The following RAD51B variants were observed in gnomAD, a reference collection of about 807,000 sequenced individuals.
RAD51B encodes RAD51 paralog B, also known as DNA repair protein RAD51 homolog 2.
In RAD51B, 38 loss-of-function variants were observed where a neutral mutation model predicts 42.2. The observed-to-expected ratio is 0.90, with a 90% CI of 0.70 to 1.18. The LOEUF (loss-of-function observed/expected upper bound fraction) is 1.18, where lower values mean the gene tolerates loss of function less well. Ranked by LOEUF, RAD51B falls within the 50% of genes most tolerant of loss-of-function variation. RAD51B has a pLI of 0.00. For missense variants in RAD51B, 373 were observed against 400.7 expected, an observed-to-expected ratio of 0.93 and a Z score of 0.59; for synonymous variants, 154 against 145.2, an observed-to-expected ratio of 1.06 and a Z score of -0.43.
At chr14:67,933,484 G>T (rs1368744451) in intron 7 of RAD51B, among the ~76,000 whole-genome samples, 1 of 152,160 alleles carries the variant, frequency 6.6e-6, no homozygotes, top group Non-Finnish European at 1.5e-5. Flanking sequence ...ATGCCCTTGT[G>T]GGTCTCCAGA....
intron 7 of RAD51B, among the ~76,000 whole-genome samples, chr14:68,059,006 TA>T (rs1325186177): frequency 2.0e-5 from 3 of 152,188 alleles, no homozygotes; most frequent in Non-Finnish European, 4.4e-5. Flanking sequence ...AAACTATTGA[TA>T]ACCCCTCTAA....
At chr14:67,880,321 C>A (rs1595053354) in intron 5 of RAD51B, among the ~76,000 whole-genome samples, 3 of 152,182 alleles carry the variant, frequency 2.0e-5, no homozygotes, top group Admixed American at 1.3e-4. Context: ...ATACTTAAGT[C>A]AGAAAAACCA....
At chr14:68,162,113 T>C (rs184873158) in intron 7 of RAD51B, among the ~76,000 whole-genome samples, 108 of 152,302 alleles carry the variant, frequency 7.1e-4, no homozygotes, top group Non-Finnish European at 1.2e-3. Context: ...ACATCAGTTT[T>C]GAGAGAAATA....
intron 10 of RAD51B, among the ~76,000 whole-genome samples, chr14:68,618,650 C>T (rs1452527459): frequency 6.6e-6 from 1 of 152,160 alleles, no homozygotes; most frequent in African/African-American, 2.4e-5. Context: ...GTTGATGCTG[C>T]CTCTAAATGT....
intron 8 of RAD51B, among the ~76,000 whole-genome samples, chr14:68,400,879 T>C (rs919491348): frequency 6.6e-6 from 1 of 152,210 alleles, no homozygotes; most frequent in Admixed American, 6.5e-5. Context: ...GAGATTTCAC[T>C]ACAAGTCACC....
At chr14:67,830,199 A>C (rs963083606) in intron 3 of RAD51B, among the ~76,000 whole-genome samples, 12 of 152,222 alleles carry the variant, frequency 7.9e-5, no homozygotes, top group Non-Finnish European at 1.3e-4. Context: ...AGAGCAATGG[A>C]AACTCATAAA....
chr14:67,879,460 A>G (rs985124899), intron 5 of RAD51B, among the ~76,000 whole-genome samples: 1 of 151,836 alleles, frequency 6.6e-6, no homozygotes, highest in African/African-American at 2.4e-5. Flanking sequence ...TTTTTTTTTA[A>G]GAGACAGGGC....
At chr14:67,842,365 T>C (rs1206750619) in intron 4 of RAD51B, among the ~76,000 whole-genome samples, 1 of 152,170 alleles carries the variant, frequency 6.6e-6, no homozygotes, top group African/African-American at 2.4e-5. Flanking sequence ...TTTTCTTTTC[T>C]ATTTTGATGC....
At chr14:68,426,883 TCCAGGGACAGAC>T (rs756069011) in intron 9 of RAD51B, among the ~76,000 whole-genome samples, 3 of 152,174 alleles carry the variant, frequency 2.0e-5, no homozygotes, top group Admixed American at 6.5e-5. Flanking sequence ...GCAGATGGTT[TCCAGGGACAGAC>T]CCAGGGTACC....
At chr14:68,302,097 A>G (rs1352445423) in intron 8 of RAD51B, among the ~76,000 whole-genome samples, 2 of 152,214 alleles carry the variant, frequency 1.3e-5, no homozygotes, top group African/African-American at 4.8e-5. Context: ...TTTGAAGGAG[A>G]AATCTCCCAC....
intron 7 of RAD51B, among the ~76,000 whole-genome samples, chr14:67,919,869 G>A (rs2044266649): frequency 6.6e-6 from 1 of 152,228 alleles, no homozygotes; most frequent in African/African-American, 2.4e-5. Context: ...GCTCCTTTGA[G>A]CATCTGTAAT....
chr14:68,031,358 C>A (rs2076039033), intron 7 of RAD51B, among the ~76,000 whole-genome samples: 2 of 152,124 alleles, frequency 1.3e-5, no homozygotes. Flanking sequence ...CCCTTGATAC[C>A]TGGGGATGAT....
intron 7 of RAD51B, among the ~76,000 whole-genome samples, chr14:68,049,140 C>T (rs11848187): frequency 0.27 from 40,324 of 151,246 alleles, 6,854 homozygotes; most frequent in African/African-American, 0.48. Context: ...TTCTCACTCA[C>T]AGGTGGGAAT....
At chr14:68,030,404 C>T (rs2076022963) in intron 7 of RAD51B, among the ~76,000 whole-genome samples, 1 of 152,192 alleles carries the variant, frequency 6.6e-6, no homozygotes, top group Non-Finnish European at 1.5e-5. Flanking sequence ...GGTTTTATAT[C>T]AGTACTTCCT....
chr14:67,964,710 G>T (rs1463190598), intron 7 of RAD51B, among the ~76,000 whole-genome samples: 2 of 152,208 alleles, frequency 1.3e-5, no homozygotes, highest in African/African-American at 4.8e-5. Flanking sequence ...TGGTAGTACA[G>T]GTTCCTGAAC....
At chr14:68,063,526 A>G (rs1254463278) in intron 7 of RAD51B, among the ~76,000 whole-genome samples, 2 of 152,204 alleles carry the variant, frequency 1.3e-5, no homozygotes, top group Non-Finnish European at 2.9e-5. Context: ...TCATGAGGTC[A>G]AGAGATTGAG....
chr14:67,949,569 A>G lies in RAD51B; in HGVS notation c.756+62365A>G, dbSNP rs189472051. On this transcript the variant is annotated intron_variant, in intron 7 of 10. Coordinates refer to ENST00000471583, the MANE Select transcript of RAD51B (RefSeq NM_133510.4). ...TTCAAAGTAGTCCATGAGGGTTGGA[A>G]TCTTCTTCGCTCCTGTCAATGTTGG... Among the ~76,000 whole-genome samples, 305 of 152,300 alleles carry G rather than the reference A, an allele frequency of 2.0e-3. 1 individual carries two copies. The highest frequency in any genetic ancestry group is 3.9e-3 in the Non-Finnish European group (264 of 68,024).
intron 9 of RAD51B, among the ~76,000 whole-genome samples, chr14:68,462,684 A>G (rs1268059752): frequency 1.3e-5 from 2 of 152,218 alleles, no homozygotes; most frequent in Non-Finnish European, 2.9e-5. Context: ...ACACCTCCAA[A>G]GAATTTTAAA....
chr14:68,249,739 G>A (rs1257807640), intron 7 of RAD51B, among the ~76,000 whole-genome samples: 1 of 152,210 alleles, frequency 6.6e-6, no homozygotes, highest in East Asian at 1.9e-4. Flanking sequence ...TGACATGAAA[G>A]GGCATTGTTG....
Sources: gnomAD v4.1 joint callset for allele counts (sites outside exome capture counted in the v4.1 genomes callset) on GRCh38, gnomAD v4.1.1 for gene constraint, MANE v1.5 for transcripts, NCBI Gene and HGNC (gene_info 2026-07-23, HGNC 2026-07-21) for gene names.